The following PTPRD variants were observed in gnomAD, a reference collection of about 807,000 sequenced individuals.
PTPRD encodes the protein protein tyrosine phosphatase receptor type D, also known as receptor-type tyrosine-protein phosphatase delta.
In PTPRD, 34 loss-of-function variants were observed where a neutral mutation model predicts 214.5. The observed-to-expected ratio is 0.16, with a 90% CI of 0.12 to 0.21. The LOEUF (loss-of-function observed/expected upper bound fraction) is 0.21, where lower values mean the gene tolerates loss of function less well. PTPRD is among the 10% of genes least tolerant of loss of function. The pLI is 1.00. For missense variants in PTPRD, 2,545 were observed against 2,398.7 expected (o/e 1.06, Z -1.27); for synonymous variants, 1,128 against 845.7 (o/e 1.33, Z -5.79).
At chr9:8,489,373 C>T (rs1185995161) in intron 27 of PTPRD, among the ~76,000 whole-genome samples, 1 of 152,176 alleles carries the variant, frequency 6.6e-6, no homozygotes, top group Non-Finnish European at 1.5e-5. Context: ...CTACTGGCTT[C>T]CCCTGCTGTA....
chr9:9,543,267 T>A (rs1338488513), intron 8 of PTPRD, among the ~76,000 whole-genome samples: 1 of 151,666 alleles, frequency 6.6e-6, no homozygotes, highest in African/African-American at 2.4e-5. Flanking sequence ...ATTATGGGGA[T>A]GCTATTCAGA....
At chr9:9,496,676 G>C (rs1253941691) in intron 8 of PTPRD, among the ~76,000 whole-genome samples, 2 of 152,174 alleles carry the variant, frequency 1.3e-5, no homozygotes, top group South Asian at 4.1e-4. Context: ...TATAGCTGCT[G>C]TGGACAGTGT....
intron 7 of PTPRD, among the ~76,000 whole-genome samples, chr9:9,690,964 T>C (rs545146420): frequency 5.6e-4 from 85 of 152,094 alleles, no homozygotes; most frequent in African/African-American, 1.8e-3. Flanking sequence ...TGGTTTCATA[T>C]ACATTTTAGG....
chr9:9,505,202 T>C (rs545903505), intron 8 of PTPRD, among the ~76,000 whole-genome samples: 1 of 151,756 alleles, frequency 6.6e-6, no homozygotes, highest in African/African-American at 2.4e-5. Flanking sequence ...CTTGGAGGAC[T>C]TGGTCTACCA....
chr9:9,866,238 C>A (rs1477135034), intron 5 of PTPRD, among the ~76,000 whole-genome samples: 1 of 152,086 alleles, frequency 6.6e-6, no homozygotes, highest in Non-Finnish European at 1.5e-5. Context: ...CTATATATGT[C>A]ATAGCCTTAA....
chr9:9,139,673 C>G (rs1049725121), intron 10 of PTPRD, among the ~76,000 whole-genome samples: 4 of 152,226 alleles, frequency 2.6e-5, no homozygotes, highest in African/African-American at 9.6e-5. Flanking sequence ...CATCATGCTT[C>G]TCAGAATGGT....
rs1465306616 is a variant in PTPRD, at chr9:9,324,132, T to C, written c.-203+73317A>G. Among the ~76,000 whole-genome samples, 3 of 152,194 alleles carry C rather than the reference T, an allele frequency of 2.0e-5. No homozygotes were observed. In the South Asian group the frequency reaches 6.2e-4, roughly 31 times the overall value. On this transcript the variant is annotated intron_variant, in intron 9 of 45. Transcript: ENST00000381196. ...GGTTCCAAGTCTTTGCTATTGTGAA[T>C]AGTGTTGCAATAAACATACGTGTGC...
In PTPRD at chr9:9,806,806, G is replaced by C. The variant is rs115679231; in HGVS notation, c.-367-39955C>G. ...ACTAAGAGGCAAAATGGCGGGGTTTGACTGGTATCTGACCTACCTCTAGGA... is the reference window on the plus strand; with the variant it reads ...ACTAAGAGGCAAAATGGCGGGGTTTCACTGGTATCTGACCTACCTCTAGGA... On this transcript the variant is annotated intron_variant, in intron 5 of 45. Transcript: ENST00000381196. Among the ~76,000 whole-genome samples the C allele has an allele frequency of 4.4e-3, 663 of 152,196 alleles. 3 individuals carry two copies. The highest frequency in any genetic ancestry group is 0.014 in the African/African-American group (599 of 41,540).
chr9:8,471,395 G>A (rs185381125), intron 30 of PTPRD, among the ~76,000 whole-genome samples: 18 of 152,200 alleles, frequency 1.2e-4, no homozygotes, highest in African/African-American at 4.3e-4. Flanking sequence ...TACAAGGCTA[G>A]AATACTGCAA....
chr9:8,942,373 T>C (rs953950478), intron 11 of PTPRD, among the ~76,000 whole-genome samples: 1 of 152,232 alleles, frequency 6.6e-6, no homozygotes. Context: ...TTTTACGTGA[T>C]GAGGTGTACT....
At chr9:9,755,963 C>G (rs1050976643) in intron 6 of PTPRD, among the ~76,000 whole-genome samples, 5 of 151,852 alleles carry the variant, frequency 3.3e-5, no homozygotes, top group Admixed American at 2.6e-4. Flanking sequence ...GAATACCGTT[C>G]TTATCAAGTA....
chr9:9,482,873 G>C (rs1363163811), intron 8 of PTPRD, among the ~76,000 whole-genome samples: 1 of 152,126 alleles, frequency 6.6e-6, no homozygotes, highest in African/African-American at 2.4e-5. Flanking sequence ...AATTGCTAAA[G>C]TTCTAGTTTG....
At chr9:8,646,574 A>G (rs374379243) in intron 12 of PTPRD, among the ~76,000 whole-genome samples, 38 of 152,144 alleles carry the variant, frequency 2.5e-4, no homozygotes, top group African/African-American at 8.4e-4. Context: ...AATTTACAGA[A>G]TTTACCCACA....
At chr9:9,552,121 G>T (rs1332437456) in intron 8 of PTPRD, among the ~76,000 whole-genome samples, 1 of 151,974 alleles carries the variant, frequency 6.6e-6, no homozygotes, top group Non-Finnish European at 1.5e-5. Context: ...CCTCAGTTAA[G>T]ACAGGTATTA....
intron 39 of PTPRD, among the ~76,000 whole-genome samples, chr9:8,369,202 T>A (rs1284821837): frequency 2.0e-5 from 3 of 152,138 alleles, no homozygotes; most frequent in Non-Finnish European, 2.9e-5. Flanking sequence ...TAAAAATGTA[T>A]TAAACAATTT....
intron 8 of PTPRD, among the ~76,000 whole-genome samples, chr9:9,399,636 G>C (rs1436116084): frequency 6.6e-6 from 1 of 151,948 alleles, no homozygotes; most frequent in African/African-American, 2.4e-5. Flanking sequence ...AGAAGTAATT[G>C]AATCATGGGG....
chr9:8,472,055 A>G (rs1300670936), intron 30 of PTPRD, among the ~76,000 whole-genome samples: 1 of 152,162 alleles, frequency 6.6e-6, no homozygotes, highest in African/African-American at 2.4e-5. Context: ...AAGCCTAGGT[A>G]TAGCCTATAA....
chr9:9,030,404 T>G (rs1469419536), intron 10 of PTPRD, among the ~76,000 whole-genome samples: 2 of 150,366 alleles, frequency 1.3e-5, no homozygotes, highest in Non-Finnish European at 3.0e-5. Context: ...ACTGTAGCAT[T>G]TAATACCTGC....
chr9:8,447,897 G>A (rs2095797557), intron 34 of PTPRD, among the ~76,000 whole-genome samples: 1 of 152,142 alleles, frequency 6.6e-6, no homozygotes. Flanking sequence ...TCCACAACAT[G>A]TTGCTCTTTT....
Sources: gnomAD v4.1 joint callset for allele counts (sites outside exome capture counted in the v4.1 genomes callset) on GRCh38, gnomAD v4.1.1 for gene constraint, MANE v1.5 for transcripts, NCBI Gene and HGNC (gene_info 2026-07-23, HGNC 2026-07-21) for gene names.